The following ARHGEF26 variants were observed in gnomAD, a reference collection of about 807,000 sequenced individuals.
The protein encoded by ARHGEF26 is Rho guanine nucleotide exchange factor (GEF) 26.
Under a neutral mutation model 89.4 loss-of-function variants are expected in ARHGEF26, and 59 were observed. The observed-to-expected ratio is 0.66, with a 90% CI of 0.54 to 0.82. The LOEUF (loss-of-function observed/expected upper bound fraction) is 0.82, where lower values mean the gene tolerates loss of function less well. Among genes scored for constraint, ARHGEF26 ranks in the 40% least tolerant of loss-of-function variants. The pLI is 0.00. For missense variants in ARHGEF26, 1,234 were observed against 1,085.6 expected, an observed-to-expected ratio of 1.14 and a Z score of -1.92; for synonymous variants, 500 against 428.4, an observed-to-expected ratio of 1.17 and a Z score of -2.06.
chr3:154,122,008 G>A lies in ARHGEF26; in HGVS notation c.16G>A (p.Glu6Lys), dbSNP rs1472983356. 6.3e-7 allele frequency: 1 copy of A among 1,593,770 alleles called. No homozygotes were observed. Among genetic ancestry groups the A allele is most frequent in the Admixed American group, 1.7e-5 (1 of 59,282 alleles). MDGES[E>K]VDFSSNSITP... ...AGGCCCGGCTATGGACGGCGAGAGC[G>A]AGGTGGATTTTTCTAGCAACAGCAT... is the stretch of plus-strand genomic sequence containing the variant. Residue 6 changes from glutamate to lysine, a missense_variant, in exon 2 of 15, where the codon GAG becomes AAG. Physicochemically the swap from Glu to Lys is moderately conservative, Grantham distance 56. Transcript: ENST00000465093.
intron 6 of ARHGEF26, among the ~76,000 whole-genome samples, chr3:154,177,862 A>G (rs1450864677): frequency 1.3e-5 from 2 of 152,216 alleles, no homozygotes; most frequent in Non-Finnish European, 2.9e-5. Context: ...ACTAGCTGAT[A>G]CAAGCCCCGG....
intron 9 of ARHGEF26, among the ~76,000 whole-genome samples, chr3:154,212,109 T>C (rs568481761): frequency 6.6e-6 from 1 of 152,084 alleles, no homozygotes; most frequent in Admixed American, 6.5e-5. Flanking sequence ...GAGGCTGAGG[T>C]AGGCGTATTG....
At chr3:154,249,622 C>T (rs1005791450) in intron 12 of ARHGEF26, among the ~76,000 whole-genome samples, 3 of 152,040 alleles carry the variant, frequency 2.0e-5, no homozygotes, top group Non-Finnish European at 4.4e-5. Flanking sequence ...ATACTGAGGG[C>T]GGTAAAAAGC....
chr3:154,219,913 C>CAA (rs370411271), intron 10 of ARHGEF26, among the ~76,000 whole-genome samples: 29 of 150,206 alleles, frequency 1.9e-4, no homozygotes, highest in South Asian at 4.2e-4. Flanking sequence ...GACTCCGTCT[C>CAA]AAAAAAAACA....
At chr3:154,161,874 G>T (rs528182871) in intron 6 of ARHGEF26, among the ~76,000 whole-genome samples, 7 of 152,092 alleles carry the variant, frequency 4.6e-5, no homozygotes, top group Admixed American at 4.6e-4. Context: ...TTCAGAGCAG[G>T]CCCTGGCATG....
intron 9 of ARHGEF26, among the ~76,000 whole-genome samples, chr3:154,209,698 A>G (rs1433272804): frequency 6.6e-6 from 1 of 152,134 alleles, no homozygotes; most frequent in Non-Finnish European, 1.5e-5. Flanking sequence ...GCCGGGTAAG[A>G]CCTGAGGCCA....
chr3:154,199,498 C>A (rs2108206216), intron 9 of ARHGEF26, among the ~76,000 whole-genome samples: 1 of 152,240 alleles, frequency 6.6e-6, no homozygotes, highest in Non-Finnish European at 1.5e-5. Context: ...CAGATCTTAG[C>A]TATTGTAAAC....
At chr3:154,156,659 A>G (rs191577001) in intron 6 of ARHGEF26, among the ~76,000 whole-genome samples, 7 of 152,312 alleles carry the variant, frequency 4.6e-5, no homozygotes, top group Non-Finnish European at 8.8e-5. Flanking sequence ...TTGAAATTCA[A>G]AGTACTCAGA....
At chr3:154,241,577 C>T (rs924826414) in intron 12 of ARHGEF26, among the ~76,000 whole-genome samples, 4 of 152,206 alleles carry the variant, frequency 2.6e-5, no homozygotes, top group Non-Finnish European at 5.9e-5. Context: ...CAGTAAGCTT[C>T]GCAGCCTTTA....
Position 154,131,533 on chromosome 3 carries a change from A to G in ARHGEF26, c.1269+1814A>G, listed in dbSNP as rs573535810. Among the ~76,000 whole-genome samples, 77 of 152,364 alleles carry G rather than the reference A, an allele frequency of 5.1e-4. 1 individual carries two copies. The highest frequency in any genetic ancestry group is 9.7e-4 in the Non-Finnish European group (66 of 68,038). On this transcript the variant is annotated intron_variant, in intron 4 of 14. Coordinates refer to ENST00000465093, the MANE Select transcript of ARHGEF26 (RefSeq NM_015595.4). ...TGTGTATCCCAAAACAGATATGTGG[A>G]AAAACTGATGACAAGGTCCATTGAG...
chr3:154,202,796 C>CGCTG (rs1714732792), intron 9 of ARHGEF26, among the ~76,000 whole-genome samples: 1 of 21,730 alleles, frequency 4.6e-5, no homozygotes, highest in African/African-American at 4.2e-4. Flanking sequence ...TGATTTGGCT[C>CGCTG]TCTGTCTGTT....
intron 12 of ARHGEF26, among the ~76,000 whole-genome samples, chr3:154,244,051 TTGGTTAATA>T (rs1274526376): frequency 2.0e-5 from 3 of 152,174 alleles, no homozygotes; most frequent in Non-Finnish European, 4.4e-5. Context: ...TTATGTCTTT[TTGGTTAATA>T]TGGTTCATTG....
Position 154,122,190 on chromosome 3 carries a change from C to T in ARHGEF26, c.198C>T (p.Ala66=). 6.2e-7 allele frequency: 1 copy of T among 1,601,676 alleles called. No individual in the cohort carries two copies. Among genetic ancestry groups the T allele is most frequent in the African/African-American group, 1.3e-5 (1 of 74,674 alleles). Residue 66 remains alanine (A), a synonymous_variant, in exon 2 of 15, where the codon GCC becomes GCT. Coordinates refer to ENST00000465093, the MANE Select transcript of ARHGEF26 (RefSeq NM_015595.4). ...GGTLLAAQIP[A]QVPTASDSRT... is the part of the protein sequence containing the mutation. ...CGCTCCTCGCAGCGCAGATTCCCGC[C>T]CAGGTGCCCACCGCCTCGGACAGCA...
At chr3:154,197,411 A>G (rs1714360371) in intron 9 of ARHGEF26, among the ~76,000 whole-genome samples, 1 of 152,146 alleles carries the variant, frequency 6.6e-6, no homozygotes, top group African/African-American at 2.4e-5. Context: ...AAAATGTAGA[A>G]CTACACTTGT....
intron 11 of ARHGEF26, among the ~76,000 whole-genome samples, chr3:154,239,299 AGTGTGTGTGTGTGTGTGTGTGTGTGTGT>A (rs142191516): frequency 9.3e-5 from 6 of 64,256 alleles, no homozygotes; most frequent in Non-Finnish European, 1.5e-4. Flanking sequence ...AGAGAGAGAG[AGTGTGTGTGTGTGTGTGTGTGTGTGTGT>A]GTGTGTGTGT....
intron 6 of ARHGEF26, among the ~76,000 whole-genome samples, chr3:154,160,911 C>T (rs1711615806): frequency 6.6e-6 from 1 of 152,112 alleles, no homozygotes; most frequent in South Asian, 2.1e-4. Context: ...CCTAGATCCC[C>T]TCTTTGGCTC....
intron 6 of ARHGEF26, among the ~76,000 whole-genome samples, chr3:154,179,894 A>G (rs1369409675): frequency 2.0e-5 from 3 of 152,202 alleles, no homozygotes; most frequent in Non-Finnish European, 2.9e-5. Context: ...ACACAAATTT[A>G]TTCTTTTTCA....
At chr3:154,123,845 A>G (rs1231012258) in intron 2 of ARHGEF26, among the ~76,000 whole-genome samples, 1 of 152,186 alleles carries the variant, frequency 6.6e-6, no homozygotes, top group African/African-American at 2.4e-5. Flanking sequence ...ATAAAGAAAC[A>G]GGGAAAACTG....
At chr3:154,184,314 A>G (rs1336573521) in intron 6 of ARHGEF26, among the ~76,000 whole-genome samples, 2 of 152,206 alleles carry the variant, frequency 1.3e-5, no homozygotes, top group Admixed American at 1.3e-4. Flanking sequence ...TTGCATTACA[A>G]AACAGTTGGA....
Sources: gnomAD v4.1 joint callset for allele counts (sites outside exome capture counted in the v4.1 genomes callset) on GRCh38, gnomAD v4.1.1 for gene constraint, MANE v1.5 for transcripts, NCBI Gene and HGNC (gene_info 2026-07-23, HGNC 2026-07-21) for gene names.